Variants in RIT2 observed in about 807,000 individuals in gnomAD.
The protein encoded by RIT2 is Ras like without CAAX 2, also known as GTP-binding protein Rit2.
A neutral mutation model predicts 23.7 loss-of-function variants in RIT2; 24 were observed. The ratio of observed to expected loss-of-function variants is 1.01; its 90% CI spans 0.73 to 1.43. RIT2 has a LOEUF of 1.43. Among genes scored for constraint, RIT2 ranks in the 40% most tolerant of loss-of-function variants. The pLI is 0.00. For synonymous variants in RIT2, 107 were observed against 91.1 expected (o/e 1.17, Z -0.99); for missense variants, 236 against 266.9 (o/e 0.88, Z 0.81).
chr18:42,892,365 T>C (rs968048130), intron 4 of RIT2, among the ~76,000 whole-genome samples: 7 of 152,230 alleles, frequency 4.6e-5, no homozygotes, highest in African/African-American at 1.7e-4. Context: ...TGAATTAATG[T>C]ATTTTAATAC....
intron 3 of RIT2, among the ~76,000 whole-genome samples, chr18:42,958,311 C>A (rs1291786081): frequency 6.6e-6 from 1 of 152,112 alleles, no homozygotes; most frequent in African/African-American, 2.4e-5. Context: ...TGTTATGTTA[C>A]AAAATATATA....
intron 1 of RIT2, among the ~76,000 whole-genome samples, chr18:43,095,477 G>A (rs1360380022): frequency 1.3e-5 from 2 of 151,744 alleles, no homozygotes; most frequent in Non-Finnish European, 2.9e-5. Context: ...AAACCTGTAC[G>A]TTGTGCACAT....
At chr18:42,994,021 C>T (rs1207533295) in intron 2 of RIT2, among the ~76,000 whole-genome samples, 1 of 152,206 alleles carries the variant, frequency 6.6e-6, no homozygotes, top group African/African-American at 2.4e-5. Flanking sequence ...AGGATCTACA[C>T]CTTATCAACC....
chr18:42,791,944 A>G (rs1914053078), intron 4 of RIT2, among the ~76,000 whole-genome samples: 2 of 152,176 alleles, frequency 1.3e-5, no homozygotes, highest in African/African-American at 4.8e-5. Context: ...CTAATAAAAC[A>G]TCATAAGGAT....
chr18:42,895,058 A>G (rs138136036), intron 4 of RIT2, among the ~76,000 whole-genome samples: 2 of 152,310 alleles, frequency 1.3e-5, no homozygotes, highest in African/African-American at 4.8e-5. Context: ...ATCCCTAAGG[A>G]GGAAATCTGC....
intron 3 of RIT2, among the ~76,000 whole-genome samples, chr18:42,924,227 A>G (rs901685959): frequency 2.0e-5 from 3 of 152,128 alleles, no homozygotes; most frequent in Non-Finnish European, 2.9e-5. Flanking sequence ...ACGTCTGCCA[A>G]GGAATCTGGG....
Position 42,984,583 on chromosome 18 carries a change from T to G in RIT2, c.161-10436A>C, listed in dbSNP as rs1307148869. 2.6e-5 allele frequency among the ~76,000 whole-genome samples: 4 copies of G among 152,102 alleles called. No homozygotes were observed. The East Asian group carries it at 7.7e-4, about 29-fold the overall frequency. On this transcript the variant is annotated intron_variant, in intron 2 of 4. Transcript: ENST00000326695. Reference sequence around the variant, plus strand: ...ATGAGATGTTTCTGTATTATTTCTGTTTTTTATTTATTTCATTTATTATAC... The same window carrying G: ...ATGAGATGTTTCTGTATTATTTCTGGTTTTTATTTATTTCATTTATTATAC...
intron 3 of RIT2, chr18:42,949,124 A>T (rs1322415263): frequency 2.0e-5 from 8 of 396,820 alleles, no homozygotes; most frequent in African/African-American, 1.2e-4. Context: ...CCTGCCACAT[A>T]GACCATGGCT....
intron 4 of RIT2, among the ~76,000 whole-genome samples, chr18:42,899,948 A>C (rs1249238993): frequency 6.6e-6 from 1 of 152,094 alleles, no homozygotes; most frequent in Admixed American, 6.6e-5. Context: ...AATCTAATAT[A>C]TTATTAAATT....
intron 1 of RIT2, among the ~76,000 whole-genome samples, chr18:43,050,940 ATAAG>A (rs1205113057): frequency 1.3e-5 from 2 of 152,244 alleles, no homozygotes; most frequent in East Asian, 3.9e-4. Context: ...ACTGGTAAAC[ATAAG>A]TAAGTGTCTC....
intron 4 of RIT2, among the ~76,000 whole-genome samples, chr18:42,889,001 T>C (rs1337006507): frequency 2.0e-5 from 3 of 152,122 alleles, no homozygotes; most frequent in South Asian, 4.1e-4. Flanking sequence ...AACCCCACCA[T>C]CATACAATAT....
chr18:42,870,623 C>T lies in RIT2; in HGVS notation c.426+52949G>A, dbSNP rs148264389. The stretch of plus-strand genomic sequence containing the variant: ...TTGAAACAAGGACTCATCTTTAAAA[C>T]GCTACTACTGAAGATCCCATACATA... On this transcript the variant is annotated intron_variant, in intron 4 of 4. Transcript: ENST00000326695. 4.7e-4 allele frequency among the ~76,000 whole-genome samples: 71 copies of T among 152,164 alleles called. No homozygotes were observed. In the South Asian group the frequency reaches 1.0e-2, roughly 21 times the overall value.
intron 4 of RIT2, among the ~76,000 whole-genome samples, chr18:42,816,610 A>G (rs1906005381): frequency 6.6e-6 from 1 of 152,150 alleles, no homozygotes; most frequent in Non-Finnish European, 1.5e-5. Context: ...TGTTCCCAAG[A>G]ACTCTTCCTA....
At chr18:42,893,016 G>A (rs1170510387) in intron 4 of RIT2, among the ~76,000 whole-genome samples, 1 of 152,116 alleles carries the variant, frequency 6.6e-6, no homozygotes, top group African/African-American at 2.4e-5. Context: ...TAGATGGTCA[G>A]TAGGTCCTAA....
chr18:42,785,761 C>G (rs914911437), intron 4 of RIT2, among the ~76,000 whole-genome samples: 2 of 152,084 alleles, frequency 1.3e-5, no homozygotes, highest in Non-Finnish European at 2.9e-5. Context: ...AATGAGATGG[C>G]AGGCAACACA....
At chr18:43,063,602 G>A (rs62092698) in intron 1 of RIT2, among the ~76,000 whole-genome samples, 13,660 of 152,104 alleles carry the variant, frequency 0.09, 700 homozygotes, top group East Asian at 0.19. Context: ...CCAGTGAAAT[G>A]CCTTTAAACT....
intron 1 of RIT2, among the ~76,000 whole-genome samples, chr18:43,043,529 C>T (rs1051735253): frequency 5.3e-5 from 8 of 152,094 alleles, no homozygotes; most frequent in South Asian, 2.1e-4. Context: ...TGGTGGCTCA[C>T]GCTTGTAACC....
At chr18:42,839,896 C>T (rs775425030) in intron 4 of RIT2, among the ~76,000 whole-genome samples, 1 of 152,130 alleles carries the variant, frequency 6.6e-6, no homozygotes, top group Non-Finnish European at 1.5e-5. Flanking sequence ...TTGTAGGAAG[C>T]CAGATTGCTA....
At chr18:42,775,390 TACC>T (rs1913644048) in intron 4 of RIT2, among the ~76,000 whole-genome samples, 1 of 152,146 alleles carries the variant, frequency 6.6e-6, no homozygotes, top group African/African-American at 2.4e-5. Flanking sequence ...ATATTTTAGG[TACC>T]ACATTAATAA....
Sources: allele counts gnomAD v4.1 joint callset (sites outside exome capture counted in the v4.1 genomes callset), GRCh38; gene constraint gnomAD v4.1.1; transcripts MANE v1.5; gene names NCBI Gene and HGNC (gene_info 2026-07-23, HGNC 2026-07-21).